Variants in PTPN20 observed in about 807,000 individuals in gnomAD.
PTPN20 encodes tyrosine-protein phosphatase non-receptor type 20.
A neutral mutation model predicts 35.0 loss-of-function variants in PTPN20; 9 were observed. The ratio of observed to expected loss-of-function variants is 0.26; its 90% confidence interval spans 0.15 to 0.45. The LOEUF (loss-of-function observed/expected upper bound fraction) is 0.45. Among genes scored for constraint, PTPN20 ranks in the 20% least tolerant of loss-of-function variants. The pLI is 1.00. For missense variants in PTPN20, 111 were observed against 312.5 expected (o/e 0.36, Z 4.86); for synonymous variants, 32 against 100.2 (o/e 0.32, Z 4.06).
chr10:46,999,460 C>T (rs2059720828), intron 9 of PTPN20, among the ~76,000 whole-genome samples: 2 of 152,180 alleles, frequency 1.3e-5, no homozygotes, highest in African/African-American at 2.4e-5. Flanking sequence ...TCAATGACCA[C>T]ACCCAGCTGT....
intron 2 of PTPN20, among the ~76,000 whole-genome samples, chr10:46,938,245 G>A (rs1249677086): frequency 3.7e-5 from 5 of 136,690 alleles, no homozygotes; most frequent in Admixed American, 1.5e-4. Flanking sequence ...CACCACACCC[G>A]GCCTTGATTT....
At chr10:46,975,434 TA>T (rs2053220110) in intron 7 of PTPN20, among the ~76,000 whole-genome samples, 1 of 143,946 alleles carries the variant, frequency 6.9e-6, no homozygotes, top group South Asian at 2.4e-4. Flanking sequence ...TGTTTATTAC[TA>T]TTGCTTATTA....
intron 9 of PTPN20, among the ~76,000 whole-genome samples, chr10:46,997,796 C>T (rs1035202707): frequency 2.6e-5 from 4 of 151,854 alleles, no homozygotes; most frequent in Non-Finnish European, 5.9e-5. Context: ...ATGACAAGCA[C>T]GTGAAAAGAT....
chr10:46,950,749 G>A (rs1275257605), intron 5 of PTPN20, among the ~76,000 whole-genome samples: 12 of 152,044 alleles, frequency 7.9e-5, no homozygotes, highest in African/African-American at 2.7e-4. Context: ...CTGAATCCTG[G>A]TTCAGAGGCA....
intron 5 of PTPN20, among the ~76,000 whole-genome samples, chr10:46,957,244 T>C (rs2048661549): frequency 6.6e-6 from 1 of 151,890 alleles, no homozygotes; most frequent in East Asian, 1.9e-4. Context: ...TTCTTTTTTT[T>C]CCTAATTTCT....
At position 46,937,361 on chromosome 10, in the gene PTPN20, C is replaced by T. The variant is rs1410623878; in HGVS notation, c.35-3262C>T. Among the ~76,000 whole-genome samples the T allele has an allele frequency of 5.6e-3, 845 of 151,722 alleles. 7 individuals are homozygous for T. The highest frequency in any genetic ancestry group is 0.019 in the African/African-American group (791 of 41,162). ...TACATGAATGTGATTTTTCTATAAG[C>T]TCATATATTACATTTGTATTTTATT... On this transcript the variant is annotated intron_variant, in intron 2 of 10. Coordinates refer to ENST00000374339, the MANE Select transcript of PTPN20 (RefSeq NM_001042357.5).
chr10:46,960,757 A>G (rs2049785779), intron 5 of PTPN20, among the ~76,000 whole-genome samples: 2 of 151,944 alleles, frequency 1.3e-5, no homozygotes, highest in Non-Finnish European at 2.9e-5. Flanking sequence ...TAGAGATAGA[A>G]GTAAAAATGT....
intron 1 of PTPN20, among the ~76,000 whole-genome samples, chr10:46,927,961 A>G (rs1306406751): frequency 1.3e-5 from 2 of 151,742 alleles, no homozygotes; most frequent in Non-Finnish European, 2.9e-5. Context: ...AAAGCAATTT[A>G]TATCATGAAT....
intron 5 of PTPN20, among the ~76,000 whole-genome samples, chr10:46,953,267 G>T (rs2134888465): frequency 6.9e-6 from 1 of 145,180 alleles, no homozygotes; most frequent in Admixed American, 6.7e-5. Flanking sequence ...TTTTTAAGTA[G>T]ATACTCATGT....
chr10:46,983,079 T>TC (rs2055986863), intron 7 of PTPN20, among the ~76,000 whole-genome samples: 8 of 66,550 alleles, frequency 1.2e-4, no homozygotes, highest in South Asian at 8.8e-4. Context: ...TTTTTTTTTT[T>TC]TTTTTTTGTT....
chr10:46,939,705 A>T (rs2042835186), intron 2 of PTPN20, among the ~76,000 whole-genome samples: 1 of 151,566 alleles, frequency 6.6e-6, no homozygotes, highest in Admixed American at 6.6e-5. Flanking sequence ...TTGTAAACAC[A>T]TTTAAACCTA....
In PTPN20 at chr10:47,001,015, A is replaced by C. The variant is rs1260597302; in HGVS notation, c.*274A>C. On this transcript the variant is annotated 3_prime_UTR_variant, in exon 11 of 11. Transcript: ENST00000374339. ...TACATAAAACGATTGCAGCTTGGCTATTTGGTTGAAGGGATTACAGAGCCC... is the reference window on the plus strand; with the variant it reads ...TACATAAAACGATTGCAGCTTGGCTCTTTGGTTGAAGGGATTACAGAGCCC... 15 of 516,966 alleles carry C rather than the reference A, an allele frequency of 2.9e-5. No individual in the cohort carries two copies. In the South Asian group the frequency reaches 3.1e-4, roughly 11 times the overall value. The allele number at this position is 516,966 out of a possible 1,614,324, so 32.0% of individuals were successfully genotyped here.
At chr10:46,933,474 T>A (rs1286971680) in intron 2 of PTPN20, among the ~76,000 whole-genome samples, 2 of 149,110 alleles carry the variant, frequency 1.3e-5, no homozygotes, top group Non-Finnish European at 2.9e-5. Context: ...TCCTCCTTCC[T>A]CTATACCCTG....
intron 9 of PTPN20, among the ~76,000 whole-genome samples, chr10:46,993,618 T>C (rs1048321782): frequency 6.6e-6 from 1 of 152,202 alleles, no homozygotes; most frequent in Non-Finnish European, 1.5e-5. Context: ...ACAACTTATC[T>C]TAGATCACAA....
At position 46,954,099 on chromosome 10, in the gene PTPN20, TTG is replaced by T. The variant is rs1491259214; in HGVS notation, c.340+7425_340+7426del. Among the ~76,000 whole-genome samples the T allele has an allele frequency of 7.9e-5, 8 of 101,320 alleles. 1 individual carries two copies. Among genetic ancestry groups the T allele is most frequent in the East Asian group, 2.9e-4 (1 of 3,454 alleles). The allele number at this position is 101,320 out of a possible 152,430, so 66.5% of individuals were successfully genotyped here. A position where few individuals can be genotyped will look rare whatever the true frequency, so the allele number is the denominator to read the frequency against. On this transcript the variant is annotated intron_variant, in intron 5 of 10. Coordinates refer to ENST00000374339, the MANE Select transcript of PTPN20 (RefSeq NM_001042357.5). Reference sequence around the variant, plus strand: ...GTTAGTTTTTAGTTTTTTTTTTTTTTTGGGGGGGGGTGCTTTTATAACAAAAT... The same window carrying T: ...GTTAGTTTTTAGTTTTTTTTTTTTTTGGGGGGGGTGCTTTTATAACAAAAT...
chr10:46,977,786 GA>G (rs1368156517), intron 7 of PTPN20, among the ~76,000 whole-genome samples: 1 of 29,042 alleles, frequency 3.4e-5, no homozygotes, highest in African/African-American at 1.4e-4. Flanking sequence ...CAACAAAGCT[GA>G]GATTATTGAA....
intron 4 of PTPN20, among the ~76,000 whole-genome samples, chr10:46,945,473 A>G (rs1325031581): frequency 6.6e-6 from 1 of 152,214 alleles, no homozygotes; most frequent in Non-Finnish European, 1.5e-5. Context: ...GCTAAGGTTA[A>G]AGCATACAGT....
At chr10:46,939,307 T>C (rs2042711500) in intron 2 of PTPN20, among the ~76,000 whole-genome samples, 1 of 124,610 alleles carries the variant, frequency 8.0e-6, no homozygotes, top group Non-Finnish European at 1.6e-5. Flanking sequence ...TATAAAAGTT[T>C]CCATTTCATC....
intron 7 of PTPN20, among the ~76,000 whole-genome samples, chr10:46,983,622 T>C (rs1856665): frequency 0.99 from 82,589 of 83,344 alleles, 41,049 homozygotes; most frequent in East Asian, 1. Context: ...TGGAGCAATT[T>C]CCCTTGGTAG....
Sources: gnomAD v4.1 joint callset for allele counts (sites outside exome capture counted in the v4.1 genomes callset) on GRCh38, gnomAD v4.1.1 for gene constraint, MANE v1.5 for transcripts, NCBI Gene and HGNC (gene_info 2026-07-23, HGNC 2026-07-21) for gene names.